Variants in C3orf70 observed in about 807,000 individuals in gnomAD.
C3orf70 encodes UPF0524 protein C3orf70.
C3orf70 carries 15 observed loss-of-function variants against 20.7 expected under a neutral mutation model. The observed-to-expected ratio is 0.72, with a 90% confidence interval of 0.48 to 1.11. C3orf70 has a LOEUF of 1.11. Among genes scored for constraint, C3orf70 ranks in the 50% most tolerant of loss-of-function variants. The probability of loss-of-function intolerance (pLI) is 0.00; values close to 1 mark genes in which losing one functional copy is unlikely to be tolerated. For missense variants in C3orf70, 332 were observed against 317.6 expected (o/e 1.05, Z -0.34); for synonymous variants, 161 against 125.7 (o/e 1.28, Z -1.88).
At chr3:185,123,829 G>A (rs1283067985) in intron 1 of C3orf70, among the ~76,000 whole-genome samples, 18 of 152,010 alleles carry the variant, frequency 1.2e-4, no homozygotes, top group Admixed American at 1.1e-3. Context: ...ACTTCTAAAT[G>A]TAAACAAATG....
intron 1 of C3orf70, among the ~76,000 whole-genome samples, chr3:185,123,420 T>A (rs925793801): frequency 6.6e-6 from 1 of 152,096 alleles, no homozygotes; most frequent in Non-Finnish European, 1.5e-5. Flanking sequence ...CATGATATTT[T>A]GGGTGACTAC....
chr3:185,146,162 C>T (rs746407303), intron 1 of C3orf70, among the ~76,000 whole-genome samples: 9 of 152,160 alleles, frequency 5.9e-5, no homozygotes, highest in Admixed American at 3.3e-4. Context: ...AACCTATCAG[C>T]GTTCTCTATC....
At chr3:185,117,412 C>T (rs1716197082) in intron 1 of C3orf70, among the ~76,000 whole-genome samples, 1 of 130,674 alleles carries the variant, frequency 7.7e-6, no homozygotes, top group African/African-American at 3.1e-5. Flanking sequence ...TTGTGTACCA[C>T]ACACATACAC....
At chr3:185,146,276 ATTTTTTTTTTTTTT>A (rs10576073) in intron 1 of C3orf70, among the ~76,000 whole-genome samples, 2 of 67,082 alleles carry the variant, frequency 3.0e-5, no homozygotes, top group African/African-American at 1.1e-4. Flanking sequence ...TACAACTCTC[ATTTTTTTTTTTTTT>A]TTTTTTTTTT....
At chr3:185,125,792 TA>T (rs999494848) in intron 1 of C3orf70, among the ~76,000 whole-genome samples, 1 of 152,076 alleles carries the variant, frequency 6.6e-6, no homozygotes, top group Non-Finnish European at 1.5e-5. Flanking sequence ...AAAAGTATAA[TA>T]AAAAGGTTGC....
intron 1 of C3orf70, among the ~76,000 whole-genome samples, chr3:185,144,336 T>G (rs529995155): frequency 6.6e-6 from 1 of 152,202 alleles, no homozygotes; most frequent in Non-Finnish European, 1.5e-5. Flanking sequence ...AAACACGAAG[T>G]CTGACTCCAG....
chr3:185,084,373 C>G (rs1274232915), intron 1 of C3orf70, among the ~76,000 whole-genome samples: 1 of 151,822 alleles, frequency 6.6e-6, no homozygotes, highest in Non-Finnish European at 1.5e-5. Flanking sequence ...ATACATACAC[C>G]TACATATTTA....
intron 1 of C3orf70, among the ~76,000 whole-genome samples, chr3:185,093,370 G>A (rs1187757044): frequency 6.6e-6 from 1 of 152,220 alleles, no homozygotes; most frequent in Non-Finnish European, 1.5e-5. Flanking sequence ...GCCATACTTA[G>A]GAATTCACAA....
At chr3:185,133,442 T>C (rs74341544) in intron 1 of C3orf70, among the ~76,000 whole-genome samples, 1,672 of 152,238 alleles carry the variant, frequency 0.011, 37 homozygotes, top group African/African-American at 0.039. Flanking sequence ...AAGAAATTGG[T>C]TAAAAAACCT....
chr3:185,145,094 T>A (rs1222652867), intron 1 of C3orf70, among the ~76,000 whole-genome samples: 1 of 152,252 alleles, frequency 6.6e-6, no homozygotes, highest in African/African-American at 2.4e-5. Context: ...AAAACAAATC[T>A]TCTACTAGAC....
Position 185,090,286 on chromosome 3 carries a change from C to A in C3orf70, c.197-6723G>T, listed in dbSNP as rs532173755. Among the ~76,000 whole-genome samples the A allele has an allele frequency of 6.6e-5, 10 of 152,262 alleles. No individual in the cohort carries two copies. The South Asian group carries it at 1.9e-3, about 28-fold the overall frequency. On this transcript the variant is annotated intron_variant, in intron 1 of 1. Coordinates refer to ENST00000335012, the MANE Select transcript of C3orf70 (RefSeq NM_001025266.3). ...AAGGGAATGAAAAAGAAAAAATAAA[C>A]CCAAACAAATATAGAAAATAAAATA... is the stretch of plus-strand genomic sequence containing the variant.
At chr3:185,117,165 T>C (rs1261685349) in intron 1 of C3orf70, among the ~76,000 whole-genome samples, 1 of 152,206 alleles carries the variant, frequency 6.6e-6, no homozygotes, top group Non-Finnish European at 1.5e-5. Flanking sequence ...AGAACCTCTA[T>C]CTTACTTTTA....
In C3orf70 at chr3:185,145,285, A is replaced by C. The variant is rs113386241; in HGVS notation, c.196+7343T>G. Among the ~76,000 whole-genome samples, 569 of 152,360 alleles carry C rather than the reference A, an allele frequency of 3.7e-3. 7 individuals are homozygous for C. Among genetic ancestry groups the C allele is most frequent in the African/African-American group, 0.013 (524 of 41,592 alleles). On this transcript the variant is annotated intron_variant, in intron 1 of 1. Coordinates refer to ENST00000335012, the MANE Select transcript of C3orf70 (RefSeq NM_001025266.3). The stretch of plus-strand genomic sequence containing the variant: ...AGGCCCTCAAAAGCCATGTGGTTTA[A>C]ATCTCTAAGTTCAACAGGCTTGGAA...
At chr3:185,152,404 G>A (rs930607148) in intron 1 of C3orf70, among the ~76,000 whole-genome samples, 2 of 152,220 alleles carry the variant, frequency 1.3e-5, no homozygotes, top group Non-Finnish European at 2.9e-5. Flanking sequence ...AAAGCGAGGC[G>A]CCCCACGGGA....
rs199552359 is a variant in C3orf70 at position 185,083,477 on chromosome 3, T to A, written c.283A>T (p.Ile95Phe). 2.2e-4 allele frequency: 353 copies of A among 1,613,978 alleles called. No homozygotes were observed. The highest frequency in any genetic ancestry group is 2.9e-4 in the Non-Finnish European group (348 of 1,180,034). The change falls in exon 2 of 2, where the codon ATT (isoleucine) becomes TTT (phenylalanine). Residue 95 changes from isoleucine to phenylalanine, a missense_variant. Coordinates refer to ENST00000335012, the MANE Select transcript of C3orf70 (RefSeq NM_001025266.3). The part of the protein sequence containing the change: ...PARPREPTNT[I>F]QISVSLTEHF... ...TCGGTGAGCGAGACTGAGATCTGAA[T>A]GGTGTTTGTGGGTTCCCGAGGCCTG...
At chr3:185,084,694 A>G (rs1223029842) in intron 1 of C3orf70, among the ~76,000 whole-genome samples, 1 of 152,188 alleles carries the variant, frequency 6.6e-6, no homozygotes, top group Non-Finnish European at 1.5e-5. Context: ...TTGACATGGA[A>G]GTAAAACCTA....
chr3:185,128,517 A>C (rs1290671179), intron 1 of C3orf70, among the ~76,000 whole-genome samples: 1 of 149,184 alleles, frequency 6.7e-6, no homozygotes, highest in East Asian at 1.9e-4. Context: ...ACAGAGCGAG[A>C]CTGTTTCGGA....
In C3orf70 at chr3:185,083,324, C is replaced by T. The variant is rs1321024473; in HGVS notation, c.436G>A (p.Val146Met). 2 of 1,614,078 alleles carry T rather than the reference C, an allele frequency of 1.2e-6. No individual in the cohort carries two copies. Among genetic ancestry groups the T allele is most frequent in the Non-Finnish European group, 1.7e-6 (2 of 1,180,050 alleles). Reference protein sequence around the residue: ...VKCINGKMCYVQKQPAPHSHR... With the variant: ...VKCINGKMCYMQKQPAPHSHR... ...GAATGTGGTGCCGGCTGCTTCTGCA[C>T]ATAACACATCTTCCCATTAATACAT... Residue 146 changes from valine (V) to methionine (M), a missense_variant, in exon 2 of 2, where the codon GTG becomes ATG. Val to Met is a conservative substitution (Grantham distance 21, BLOSUM62 1). Coordinates refer to ENST00000335012, the MANE Select transcript of C3orf70 (RefSeq NM_001025266.3).
At chr3:185,141,452 A>T (rs940250385) in intron 1 of C3orf70, among the ~76,000 whole-genome samples, 1 of 152,234 alleles carries the variant, frequency 6.6e-6, no homozygotes, top group Admixed American at 6.5e-5. Flanking sequence ...TCAAGTAGAA[A>T]ACTGTATAAA....
Sources: gnomAD v4.1 joint callset for allele counts (sites outside exome capture counted in the v4.1 genomes callset) on GRCh38, gnomAD v4.1.1 for gene constraint, MANE v1.5 for transcripts, NCBI Gene and HGNC (gene_info 2026-07-23, HGNC 2026-07-21) for gene names.